The following FBLN1 variants were observed in gnomAD, a reference collection of about 807,000 sequenced individuals.
The protein encoded by FBLN1 is fibulin-1.
A neutral mutation model predicts 89.7 loss-of-function variants in FBLN1; 34 were observed. The ratio of observed to expected loss-of-function variants is 0.38; its 90% CI spans 0.29 to 0.50. The LOEUF (loss-of-function observed/expected upper bound fraction) is 0.50, where lower values mean the gene tolerates loss of function less well. FBLN1 is among the 20% of genes least tolerant of loss of function. The pLI, the probability that FBLN1 is intolerant of heterozygous loss-of-function variation, is 0.92. For missense variants in FBLN1, 777 were observed against 988.1 expected (o/e 0.79, Z 2.86); for synonymous variants, 393 against 391.3 (o/e 1.00, Z -0.05).
rs1271331800 is a variant in FBLN1, at chr22:45,572,111, A to G, written c.1698-2400A>G. Among the ~76,000 whole-genome samples the G allele has an allele frequency of 6.6e-6, 1 of 152,190 alleles. No individual in the cohort carries two copies. Among genetic ancestry groups the G allele is most frequent in the African/African-American group, 2.4e-5 (1 of 41,426 alleles). On this transcript the variant is annotated intron_variant, in intron 14 of 16. Coordinates refer to ENST00000327858, the MANE Select transcript of FBLN1 (RefSeq NM_006486.3). The surrounding 1 kb of genome is among the most constrained non-coding windows in gnomAD (Gnocchi z 5.8). Reference sequence around the variant, plus strand: ...ACCACAGCACTCCAGCCTGGGTGACAGAGCGAGACTCATCTCAAAAAATAT... The same window carrying G: ...ACCACAGCACTCCAGCCTGGGTGACGGAGCGAGACTCATCTCAAAAAATAT...
rs776364041 is a variant in FBLN1 at position 45,576,663 on chromosome 22, C to A, written c.1841-314C>A. On this transcript the variant is annotated intron_variant, in intron 15 of 16. Transcript: ENST00000327858. The surrounding 1 kb of genome is among the most constrained non-coding windows in gnomAD (Gnocchi z 5.2). ...CTCGCTTTCCTCCTCTGGTCCCCACCTTCATGAATATGCACAGTGACTGAT... is the reference window on the plus strand; with the variant it reads ...CTCGCTTTCCTCCTCTGGTCCCCACATTCATGAATATGCACAGTGACTGAT... Among the ~76,000 whole-genome samples, 9 of 152,180 alleles carry A rather than the reference C, an allele frequency of 5.9e-5. No homozygotes were observed. Among genetic ancestry groups the A allele is most frequent in the Non-Finnish European group, 8.8e-5 (6 of 68,022 alleles).
Position 45,561,482 on chromosome 22 carries a change from A to C in FBLN1, c.1697+10867A>C, listed in dbSNP as rs1241318210. Among the ~76,000 whole-genome samples the C allele has an allele frequency of 1.3e-5, 2 of 152,216 alleles. No homozygotes were observed. The highest frequency in any genetic ancestry group is 6.5e-5 in the Admixed American group (1 of 15,284). On this transcript the variant is annotated intron_variant, in intron 14 of 16. Transcript: ENST00000327858. The surrounding 1 kb of genome is among the most constrained non-coding windows in gnomAD (Gnocchi z 4.7). ...CTTGCCTCATGAGCGATGAATCAGG[A>C]GTTTCAAATGCGTTTATTTTTCATA...
intron 1 of FBLN1, among the ~76,000 whole-genome samples, chr22:45,509,945 C>T (rs1039567278): frequency 2.0e-5 from 3 of 152,032 alleles, no homozygotes; most frequent in African/African-American, 7.2e-5. Context: ...CAGGATGAAG[C>T]CTCAAGCTCC....
rs1401885043 is a variant in FBLN1 at position 45,588,826 on chromosome 22, A to AAG, written c.1973-11480_1973-11479insGA. On this transcript the variant is annotated intron_variant, in intron 16 of 16. Coordinates refer to ENST00000327858, the MANE Select transcript of FBLN1 (RefSeq NM_006486.3). The surrounding 1 kb of genome is among the most constrained non-coding windows in gnomAD (Gnocchi z 5.1). ...GTGCAAAATTAGCAAAAAAAAAAAA[A>AAG]AAGGAATGACGATGATATGAATCTT... 6.6e-6 allele frequency among the ~76,000 whole-genome samples: 1 copy of AAG among 151,802 alleles called. No individual in the cohort carries two copies. Among genetic ancestry groups the AAG allele is most frequent in the Admixed American group, 6.6e-5 (1 of 15,240 alleles).
At chr22:45,526,874 C>T (rs1003955793) in intron 3 of FBLN1, among the ~76,000 whole-genome samples, 5 of 152,198 alleles carry the variant, frequency 3.3e-5, no homozygotes, top group South Asian at 2.1e-4. Flanking sequence ...TTGCAGATGC[C>T]GTCGGTCCGG....
At chr22:45,542,701 G>C (rs1287164256) in intron 10 of FBLN1, among the ~76,000 whole-genome samples, 2 of 152,216 alleles carry the variant, frequency 1.3e-5, no homozygotes, top group African/African-American at 4.8e-5. Flanking sequence ...GTCAGGTCTT[G>C]TCCAGCCAGT....
In FBLN1 at chr22:45,564,014, C is replaced by T. The variant is rs736766; in HGVS notation, c.1698-10497C>T. The stretch of plus-strand genomic sequence containing the variant: ...GACCACACAATACATGTGATACTCA[C>T]GGGATCCTTCATAGGCCTTACACCA... On this transcript the variant is annotated intron_variant, in intron 14 of 16. Transcript: ENST00000327858. Among the ~76,000 whole-genome samples, 62 of 152,024 alleles carry T rather than the reference C, an allele frequency of 4.1e-4. 2 individuals carry two copies. Among genetic ancestry groups the T allele is most frequent in the South Asian group, 2.1e-4 (1 of 4,820 alleles).
At position 45,531,491 on chromosome 22, in the gene FBLN1, G is replaced by T. The variant is rs1458596241; in HGVS notation, c.544+167G>T. ...GCTATGACTGCACCTTTGCACTCTA[G>T]CCTGGGCAACAGAGCTGGACCCCGT... On this transcript the variant is annotated intron_variant, in intron 5 of 16. Transcript: ENST00000327858. The surrounding 1 kb of genome is among the most constrained non-coding windows in gnomAD (Gnocchi z 4.9). Among the ~76,000 whole-genome samples the T allele has an allele frequency of 6.6e-6, 1 of 152,150 alleles. No homozygotes were observed. The highest frequency in any genetic ancestry group is 1.5e-5 in the Non-Finnish European group (1 of 68,022).
intron 1 of FBLN1, among the ~76,000 whole-genome samples, chr22:45,504,098 TC>T (rs1769958889): frequency 6.6e-6 from 1 of 152,014 alleles, no homozygotes; most frequent in African/African-American, 2.4e-5. Context: ...AGAATCCGAG[TC>T]TTAATCCCTG....
In FBLN1 at chr22:45,588,813, CA is replaced by C. The variant is rs10714602; in HGVS notation, c.1973-11479del. Among the ~76,000 whole-genome samples, 54,457 of 138,724 alleles carry C rather than the reference CA, an allele frequency of 0.39. 11,185 individuals carry two copies. Among genetic ancestry groups the C allele is most frequent in the Admixed American group, 0.54 (7,553 of 14,070 alleles). The allele number at this position is 138,724 out of a possible 152,430, so 91.0% of individuals were successfully genotyped here. On this transcript the variant is annotated intron_variant, in intron 16 of 16. Coordinates refer to ENST00000327858, the MANE Select transcript of FBLN1 (RefSeq NM_006486.3). This position sits in a 1 kb window ranked among gnomAD's most constrained non-coding sequence, Gnocchi z 5.1. ...GTAGAGGCATGTTGTGCAAAATTAG[CA>C]AAAAAAAAAAAAAAGGAATGACGAT...
Position 45,590,046 on chromosome 22 carries a change from A to G in FBLN1, c.1973-10261A>G, listed in dbSNP as rs1397701171. Among the ~76,000 whole-genome samples the G allele has an allele frequency of 6.6e-6, 1 of 152,112 alleles. No individual in the cohort carries two copies. The highest frequency in any genetic ancestry group is 1.5e-5 in the Non-Finnish European group (1 of 68,000). On this transcript the variant is annotated intron_variant, in intron 16 of 16. Transcript: ENST00000327858. The surrounding 1 kb of genome is among the most constrained non-coding windows in gnomAD (Gnocchi z 4.1). Reference sequence around the variant, plus strand: ...TGCTCTCCCAGTGGCTGAGAGCCCCATGAAGAGCCAGACCAGGGCCAGGTG... The same window carrying G: ...TGCTCTCCCAGTGGCTGAGAGCCCCGTGAAGAGCCAGACCAGGGCCAGGTG...
intron 2 of FBLN1, 55 bp from the exon 3 acceptor site, chr22:45,525,488 G>A (rs772228974): frequency 2.1e-4 from 322 of 1,537,536 alleles, no homozygotes; most frequent in Non-Finnish European, 2.7e-4. Context: ...CGAGGATCTC[G>A]TGCCCTGGGC....
chr22:45,595,735 G>T (rs73447079), intron 16 of FBLN1, among the ~76,000 whole-genome samples: 1,808 of 150,886 alleles, frequency 0.012, 3 homozygotes, highest in African/African-American at 0.041. Flanking sequence ...CCACGCTTTG[G>T]CTGGGAGTCA....
intron 1 of FBLN1, among the ~76,000 whole-genome samples, chr22:45,512,934 G>C (rs571958639): frequency 6.6e-6 from 1 of 152,158 alleles, no homozygotes; most frequent in Non-Finnish European, 1.5e-5. Context: ...TTTTGTTGTT[G>C]TTGTTCTTTT....
rs939803763 is a variant in FBLN1 at position 45,562,448 on chromosome 22, T to C, written c.1697+11833T>C. Among the ~76,000 whole-genome samples the C allele has an allele frequency of 2.0e-5, 3 of 151,766 alleles. No individual in the cohort carries two copies. The highest frequency in any genetic ancestry group is 4.4e-5 in the Non-Finnish European group (3 of 67,954). On this transcript the variant is annotated intron_variant, in intron 14 of 16. Coordinates refer to ENST00000327858, the MANE Select transcript of FBLN1 (RefSeq NM_006486.3). The surrounding 1 kb of genome is among the most constrained non-coding windows in gnomAD (Gnocchi z 7.8). ...GGCAGTGATCACACTAGAGAGTGCATGGTGAGGAAGAGCTGAGCACTTGGT... is the reference window on the plus strand; with the variant it reads ...GGCAGTGATCACACTAGAGAGTGCACGGTGAGGAAGAGCTGAGCACTTGGT...
chr22:45,558,302 T>G (rs1312324000), intron 14 of FBLN1: 1 of 438,576 alleles, frequency 2.3e-6, no homozygotes, highest in African/African-American at 2.0e-5. Flanking sequence ...CAGTTCATGA[T>G]AGGCAGTTCA....
At chr22:45,528,925 C>T (rs1160634113) in intron 4 of FBLN1, among the ~76,000 whole-genome samples, 2 of 152,144 alleles carry the variant, frequency 1.3e-5, no homozygotes, top group Non-Finnish European at 1.5e-5. Flanking sequence ...CTAATGTGTA[C>T]CTTGGTCCCC....
intron 3 of FBLN1, 33 bp downstream of exon 3, chr22:45,525,711 C>T (rs373175037): frequency 4.5e-6 from 7 of 1,551,022 alleles, no homozygotes; most frequent in East Asian, 2.4e-5. Flanking sequence ...GGTCGCTGCC[C>T]GTCCCCACTA....
At chr22:45,593,922 C>G (rs146907474) in intron 16 of FBLN1, among the ~76,000 whole-genome samples, 1 of 152,360 alleles carries the variant, frequency 6.6e-6, no homozygotes, top group Non-Finnish European at 1.5e-5. Context: ...TGAGCTGACA[C>G]TGTCCCTGAA....
Sources: allele counts gnomAD v4.1 joint callset (sites outside exome capture counted in the v4.1 genomes callset), GRCh38; gene constraint gnomAD v4.1.1; non-coding constraint Gnocchi (gnomAD v3.1); transcripts MANE v1.5; gene names NCBI Gene and HGNC (gene_info 2026-07-23, HGNC 2026-07-21).